Variants in MBOAT7 observed in about 807,000 individuals in gnomAD.
The protein encoded by MBOAT7 is membrane-bound acylglycerophosphatidylinositol O-acyltransferase MBOAT7.
Under a neutral mutation model 47.4 loss-of-function variants are expected in MBOAT7, and 40 were observed. That is an observed-to-expected ratio of 0.84 (90% CI 0.66 to 1.10). The LOEUF is 1.10. Among genes scored for constraint, MBOAT7 ranks in the 50% least tolerant of loss-of-function variants. MBOAT7 has a pLI of 0.00. For missense variants in MBOAT7, 680 were observed against 655.6 expected, an observed-to-expected ratio of 1.04 and a Z score of -0.41; for synonymous variants, 361 against 292.0, an observed-to-expected ratio of 1.24 and a Z score of -2.41.
Position 54,180,962 on chromosome 19 carries a change from A to G in MBOAT7, c.665T>C (p.Phe222Ser), listed in dbSNP as rs753130476. The G allele has an allele frequency of 1.3e-6, 2 of 1,578,148 alleles. No homozygotes were observed. The highest frequency in any genetic ancestry group is 1.2e-5 in the South Asian group (1 of 86,534). Reference sequence around the variant, plus strand: ...GCGGGCGGGCAGCGGGCGGGCGTAGAAGGCGTCCTCGCGCACGGCCTCCAG... The same window carrying G: ...GCGGGCGGGCAGCGGGCGGGCGTAGGAGGCGTCCTCGCGCACGGCCTCCAG... ...FPLEAVREDA[F>S]YARPLPARLF... Residue 222 changes from phenylalanine to serine, a missense_variant, in exon 6 of 8, where the codon TTC (phenylalanine) becomes TCC (serine). Coordinates refer to ENST00000245615, the MANE Select transcript of MBOAT7 (RefSeq NM_024298.5). This position sits in a 1 kb window ranked among gnomAD's most constrained non-coding sequence, Gnocchi z 5.2.
chr19:54,180,981 C>A lies in MBOAT7; in HGVS notation c.646G>T (p.Ala216Ser). The A allele has an allele frequency of 6.4e-7, 1 of 1,567,400 alleles. No homozygotes were observed. Among genetic ancestry groups the A allele is most frequent in the Middle Eastern group, 1.7e-4 (1 of 5,832 alleles). ...LLSSHLFPLE[A>S]VREDAFYARP... The stretch of plus-strand genomic sequence containing the variant: ...GCGTAGAAGGCGTCCTCGCGCACGG[C>A]CTCCAGCGGGAAGAGGTGAGAGGAG... The change falls in exon 6 of 8, where the codon GCC becomes TCC. Residue 216 changes from alanine (A) to serine (S), a missense_variant. By Grantham distance (99) the Ala-to-Ser change is moderately conservative. Transcript: ENST00000245615. This position sits in a 1 kb window ranked among gnomAD's most constrained non-coding sequence, Gnocchi z 5.2.
chr19:54,182,307 G>A (rs1475007714), intron 5 of MBOAT7, among the ~76,000 whole-genome samples: 2 of 152,004 alleles, frequency 1.3e-5, no homozygotes, highest in East Asian at 1.9e-4. Flanking sequence ...ATTTGTAAGC[G>A]CAATGTCCAG....
At position 54,173,539 on chromosome 19, in the gene MBOAT7, G is replaced by A. The variant is rs951401482; in HGVS notation, c.*505C>T. On this transcript the variant is annotated 3_prime_UTR_variant, in exon 8 of 8. Coordinates refer to ENST00000245615, the MANE Select transcript of MBOAT7 (RefSeq NM_024298.5). Reference sequence around the variant, plus strand: ...CTCAGATGGAAGCCATGGGACGGCCGTCCCCAGGCCCGCGCACCCGCACCT... The same window carrying A: ...CTCAGATGGAAGCCATGGGACGGCCATCCCCAGGCCCGCGCACCCGCACCT... The A allele has an allele frequency of 9.9e-5, 18 of 181,732 alleles. No homozygotes were observed. The highest frequency in any genetic ancestry group is 3.3e-4 in the African/African-American group (14 of 42,268). The allele number at this position is 181,732 out of a possible 1,614,324, so 11.3% of individuals were successfully genotyped here.
chr19:54,187,041 G>A (rs1055790165), intron 4 of MBOAT7, 120 bp downstream of exon 4: 21 of 1,274,418 alleles, frequency 1.6e-5, no homozygotes, highest in Non-Finnish European at 2.1e-5. Context: ...GTGAGGTGAC[G>A]TCCCACCCCC....
chr19:54,176,293 C>G (rs1349129608), intron 7 of MBOAT7, among the ~76,000 whole-genome samples: 1 of 152,120 alleles, frequency 6.6e-6, no homozygotes, highest in Non-Finnish European at 1.5e-5. Context: ...CTGGCCAACT[C>G]TTGTTTTCTT....
At chr19:54,177,743 A>AT (rs1333951663) in intron 7 of MBOAT7, among the ~76,000 whole-genome samples, 2 of 149,678 alleles carry the variant, frequency 1.3e-5, no homozygotes, top group East Asian at 3.9e-4. Flanking sequence ...TGCCTAGCTA[A>AT]TTTTTTGTAT....
In MBOAT7 at chr19:54,174,036, G is replaced by C. The variant is rs202068416; in HGVS notation, c.*8C>G. 9 of 1,567,490 alleles carry C rather than the reference G, an allele frequency of 5.7e-6. No homozygotes were observed. Among genetic ancestry groups the C allele is most frequent in the African/African-American group, 4.1e-5 (3 of 72,562 alleles). ...GGGACCAGCTGGCAGAGGGAGCGTC[G>C]TGACAGCTTACTCCTCCCGGAGCTT... On this transcript the variant is annotated 3_prime_UTR_variant, in exon 8 of 8. Coordinates refer to ENST00000245615, the MANE Select transcript of MBOAT7 (RefSeq NM_024298.5).
At chr19:54,181,379 G>A (rs190506469) in intron 5 of MBOAT7, among the ~76,000 whole-genome samples, 5 of 152,030 alleles carry the variant, frequency 3.3e-5, no homozygotes, top group South Asian at 2.1e-4. Context: ...CAGAGGGGCC[G>A]GTGCGGTGGC....
intron 7 of MBOAT7, chr19:54,178,487 AG>A (rs1304264336): frequency 3.8e-5 from 51 of 1,336,998 alleles, no homozygotes; most frequent in Admixed American, 7.2e-5. Context: ...CCAAGATTCC[AG>A]GAAGGCTGGC....
At chr19:54,186,650 C>A (rs2076434912) in intron 4 of MBOAT7, among the ~76,000 whole-genome samples, 1 of 152,156 alleles carries the variant, frequency 6.6e-6, no homozygotes, top group African/African-American at 2.4e-5. Flanking sequence ...GAAGGCCACT[C>A]CCTACCTAGC....
intron 1 of MBOAT7, among the ~76,000 whole-genome samples, chr19:54,188,747 T>C (rs2076536277): frequency 6.6e-6 from 1 of 151,506 alleles, no homozygotes; most frequent in Non-Finnish European, 1.5e-5. Context: ...CCTCCAGCTC[T>C]CCTGTCCTTG....
chr19:54,184,933 G>C (rs1334442700), intron 4 of MBOAT7, among the ~76,000 whole-genome samples: 2 of 149,882 alleles, frequency 1.3e-5, no homozygotes, highest in African/African-American at 4.9e-5. Flanking sequence ...TTTAGGGCCA[G>C]GTGTGACGGC....
intron 4 of MBOAT7, among the ~76,000 whole-genome samples, chr19:54,186,454 G>C (rs2076429700): frequency 6.6e-6 from 1 of 152,166 alleles, no homozygotes; most frequent in Non-Finnish European, 1.5e-5. Flanking sequence ...GGCCTAGCAC[G>C]GTGTCAGCCC....
chr19:54,180,899 A>G lies in MBOAT7; in HGVS notation c.728T>C (p.Met243Thr), dbSNP rs753220219. ...YMIPVFFAFR[M>T]RFYVAWIAAE... ...GGCAATCCAGGCCACGTAGAAGCGC[A>G]TGCGGAAGGCGAAGAAGACGGGGAT... The change falls in exon 6 of 8, where the codon ATG becomes ACG. Residue 243 changes from methionine (M) to threonine (T), a missense_variant. Physicochemically the swap from Met to Thr is moderately conservative, Grantham distance 81 (BLOSUM62 -1). Transcript: ENST00000245615. This position sits in a 1 kb window ranked among gnomAD's most constrained non-coding sequence, Gnocchi z 5.2. 3 of 1,597,764 alleles carry G rather than the reference A, an allele frequency of 1.9e-6. No individual in the cohort carries two copies. The highest frequency in any genetic ancestry group is 2.3e-5 in the South Asian group (2 of 88,744).
chr19:54,189,499 GCC>G lies in MBOAT7; in HGVS notation c.-167_-166del, dbSNP rs1310911262. 6.6e-6 allele frequency: 1 copy of G among 152,606 alleles called. No homozygotes were observed. The highest frequency in any genetic ancestry group is 1.5e-5 in the Non-Finnish European group (1 of 68,218). The allele number at this position is 152,606 out of a possible 1,614,324, so 9.5% of individuals were successfully genotyped here. On this transcript the variant is annotated 5_prime_UTR_variant, in exon 1 of 8. Coordinates refer to ENST00000245615, the MANE Select transcript of MBOAT7 (RefSeq NM_024298.5). ...GGCCGGGGAAGAAGCCACGGTCAGGGCCCCGGGCGGGCAGGGAAGAAGCCCCG... is the reference window on the plus strand; with the variant it reads ...GGCCGGGGAAGAAGCCACGGTCAGGGCCGGGCGGGCAGGGAAGAAGCCCCG...
Position 54,181,047 on chromosome 19 carries a change from G to A in MBOAT7, c.580C>T (p.Arg194Cys), listed in dbSNP as rs1209375295. 5 of 1,545,598 alleles carry A rather than the reference G, an allele frequency of 3.2e-6. 1 individual carries two copies. The highest frequency in any genetic ancestry group is 2.4e-5 in the South Asian group (2 of 83,604). ...CCGAAGAGCGGGGCCGGCCAGGCGC[G>A]GCGCAGCAGGGGCCGCAGGCTGGGC... Reference protein sequence around the residue: ...AVPSLRPLLRRAWPAPLFGLL... With the variant: ...AVPSLRPLLRCAWPAPLFGLL... Residue 194 changes from arginine (R) to cysteine (C), a missense_variant, in exon 6 of 8, where the codon CGC (arginine) becomes TGC (cysteine). Arg to Cys is a radical substitution (Grantham distance 180, BLOSUM62 -3). Coordinates refer to ENST00000245615, the MANE Select transcript of MBOAT7 (RefSeq NM_024298.5).
rs1239059392 is a variant in MBOAT7, at chr19:54,173,977, G to T, written c.*67C>A. ...CTCTCCAAGGTAAGGACTCTTTCTG[G>T]GGAGGAGACAGCAGCCTGGTTCACA... is the stretch of plus-strand genomic sequence containing the variant. On this transcript the variant is annotated 3_prime_UTR_variant, in exon 8 of 8. Transcript: ENST00000245615. 8.0e-6 allele frequency: 12 copies of T among 1,493,112 alleles called. No homozygotes were observed. The East Asian group carries it at 2.6e-4, about 33-fold the overall frequency. 92.5% of individuals were successfully genotyped at this position (1,493,112 alleles called of 1,614,324 possible).
At position 54,174,428 on chromosome 19, in the gene MBOAT7, G is replaced by A. The variant is rs750871135; in HGVS notation, c.1035C>T (p.Ser345=). ...AGGCGCTCAGCAGCATGGTCCAGGC[G>A]CTCCTGAGGAGGAGGCTGGGAGTCA... is the stretch of plus-strand genomic sequence containing the variant. ...SAPARSYVLR[S]AWTMLLSAYW... Residue 345 remains serine, a synonymous_variant, in exon 8 of 8, where the codon AGC becomes AGT. Transcript: ENST00000245615. The A allele has an allele frequency of 1.9e-6, 3 of 1,545,716 alleles. No individual in the cohort carries two copies. Among genetic ancestry groups the A allele is most frequent in the South Asian group, 1.2e-5 (1 of 82,466 alleles).
At chr19:54,175,004 C>G (rs570085098) in intron 7 of MBOAT7, among the ~76,000 whole-genome samples, 1 of 133,648 alleles carries the variant, frequency 7.5e-6, no homozygotes, top group Non-Finnish European at 1.6e-5. Context: ...GAGACAGAGT[C>G]TCGCTCTGTC....
Sources: gnomAD v4.1 joint callset for allele counts (sites outside exome capture counted in the v4.1 genomes callset) on GRCh38, gnomAD v4.1.1 for gene constraint, Gnocchi (gnomAD v3.1) non-coding constraint, MANE v1.5 for transcripts, NCBI Gene and HGNC (gene_info 2026-07-23, HGNC 2026-07-21) for gene names.